Variants in NR3C1 observed in about 807,000 individuals in gnomAD.
NR3C1 encodes the protein nuclear receptor subfamily 3 group C member 1.
A neutral mutation model predicts 74.0 loss-of-function variants in NR3C1; 14 were observed. That is an observed-to-expected ratio of 0.19 (90% CI 0.12 to 0.30). The LOEUF is 0.30. Ranked by LOEUF, NR3C1 falls within the 10% of genes least tolerant of loss-of-function variation. The pLI is 1.00. For missense variants in NR3C1, 695 were observed against 909.8 expected (o/e 0.76, Z 3.04); for synonymous variants, 308 against 332.5 (o/e 0.93, Z 0.80).
rs1013219835 is a variant in NR3C1 at position 143,350,978 on chromosome 5, G to T, written c.1185-36810C>A. Among the ~76,000 whole-genome samples the T allele has an allele frequency of 7.9e-5, 12 of 152,286 alleles. No individual in the cohort carries two copies. In the East Asian group the frequency reaches 9.6e-4, roughly 12 times the overall value. On this transcript the variant is annotated intron_variant, in intron 2 of 8. Transcript: ENST00000394464. The stretch of plus-strand genomic sequence containing the variant: ...AAAGGTCAATGTGAATGGAGTGGAA[G>T]CAGAAAACCAGTGATTCTGTAAGGT...
chr5:143,282,547 G>A, intron 8 of NR3C1, 21 bp downstream of exon 8: 1 of 1,613,136 alleles, frequency 6.2e-7, no homozygotes, highest in South Asian at 1.1e-5. Context: ...TCTTATATTT[G>A]GCTTTATGTT....
rs1188555532 is a variant in NR3C1 at position 143,368,077 on chromosome 5, G to A, written c.1184+31579C>T. On this transcript the variant is annotated intron_variant, in intron 2 of 8. Coordinates refer to ENST00000394464, the MANE Select transcript of NR3C1 (RefSeq NM_000176.3). The stretch of plus-strand genomic sequence containing the variant: ...CAGACTCATAGAATTGTGAGTCCAG[G>A]AATAAGCCTATATATTTATGGTCAG... 2.0e-5 allele frequency among the ~76,000 whole-genome samples: 3 copies of A among 152,264 alleles called. No individual in the cohort carries two copies. The Middle Eastern group carries it at 0.01, about 518-fold the overall frequency.
At chr5:143,302,765 A>G (rs917741177) in intron 4 of NR3C1, among the ~76,000 whole-genome samples, 1 of 152,088 alleles carries the variant, frequency 6.6e-6, no homozygotes, top group South Asian at 2.1e-4. Context: ...ATTTTTCAAA[A>G]TATCTTCAGG....
At chr5:143,402,686 C>T in intron 1 of NR3C1, 1 of 985,434 alleles carries the variant, frequency 1.0e-6, no homozygotes, top group Non-Finnish European at 1.2e-6. Context: ...GCTGTCAGCC[C>T]CCCGCGTGTG....
intron 7 of NR3C1, among the ~76,000 whole-genome samples, chr5:143,283,499 T>C (rs150789722): frequency 1.8e-4 from 27 of 152,346 alleles, no homozygotes; most frequent in African/African-American, 3.1e-4. Context: ...CTGAGATAGA[T>C]AGAAGGCTTC....
intron 2 of NR3C1, among the ~76,000 whole-genome samples, chr5:143,366,959 C>T (rs1833329268): frequency 6.6e-6 from 1 of 152,156 alleles, no homozygotes. Flanking sequence ...ACTATACTTA[C>T]TGGTCAGCTA....
At chr5:143,282,133 G>A in intron 8 of NR3C1, 92 bp from the exon 9 acceptor site, 1 of 1,350,760 alleles carries the variant, frequency 7.4e-7, no homozygotes, top group South Asian at 1.2e-5. Flanking sequence ...AAAATTATCT[G>A]GCCTAGAATA....
chr5:143,290,780 G>C (rs1332209460), intron 7 of NR3C1, among the ~76,000 whole-genome samples: 1 of 151,946 alleles, frequency 6.6e-6, no homozygotes, highest in Non-Finnish European at 1.5e-5. Flanking sequence ...GGTCAGGCTG[G>C]TCTCGAACTC....
intron 2 of NR3C1, among the ~76,000 whole-genome samples, chr5:143,322,884 G>T (rs1015202894): frequency 6.6e-6 from 1 of 152,004 alleles, no homozygotes; most frequent in African/African-American, 2.4e-5. Flanking sequence ...TTTGCTATCT[G>T]GATTTCCCTC....
chr5:143,382,775 A>T (rs2151892350), intron 2 of NR3C1, among the ~76,000 whole-genome samples: 1 of 152,232 alleles, frequency 6.6e-6, no homozygotes, highest in East Asian at 1.9e-4. Context: ...TGACGGGAGC[A>T]TACTTCTTCG....
intron 2 of NR3C1, among the ~76,000 whole-genome samples, chr5:143,317,041 C>T (rs2151632990): frequency 6.6e-6 from 1 of 152,254 alleles, no homozygotes; most frequent in Non-Finnish European, 1.5e-5. Flanking sequence ...TTCTGGGCTA[C>T]ATCAGATAAG....
At position 143,300,188 on chromosome 5, in the gene NR3C1, C is replaced by G. The variant is rs912591072; in HGVS notation, c.1747+297G>C. Among the ~76,000 whole-genome samples the G allele has an allele frequency of 5.9e-5, 9 of 152,154 alleles. No homozygotes were observed. The highest frequency in any genetic ancestry group is 2.2e-4 in the African/African-American group (9 of 41,434). The stretch of plus-strand genomic sequence containing the variant: ...GGAATTAACTAAAAACATTTTCTTT[C>G]CCCAAACTTCAGTGTAAAAGGAGTT... On this transcript the variant is annotated intron_variant, in intron 5 of 8. Transcript: ENST00000394464. This position sits in a 1 kb window ranked among gnomAD's most constrained non-coding sequence, Gnocchi z 5.2.
intron 2 of NR3C1, among the ~76,000 whole-genome samples, chr5:143,378,071 A>G (rs978523992): frequency 6.8e-6 from 1 of 147,980 alleles, no homozygotes; most frequent in Non-Finnish European, 1.5e-5. Flanking sequence ...GCAACAGAGC[A>G]CTACCCTGTC....
intron 2 of NR3C1, among the ~76,000 whole-genome samples, chr5:143,348,730 G>C (rs1600168893): frequency 6.6e-6 from 1 of 152,230 alleles, no homozygotes; most frequent in African/African-American, 2.4e-5. Context: ...GTTTTGATCA[G>C]ACATGATTTA....
At chr5:143,336,789 A>G (rs1214950984) in intron 2 of NR3C1, among the ~76,000 whole-genome samples, 1 of 150,822 alleles carries the variant, frequency 6.6e-6, no homozygotes, top group Non-Finnish European at 1.5e-5. Context: ...GTTCAAGTCC[A>G]GCCTGTCAAC....
chr5:143,420,104 C>T (rs1187543956), intron 1 of NR3C1, among the ~76,000 whole-genome samples: 4 of 152,224 alleles, frequency 2.6e-5, no homozygotes, highest in Non-Finnish European at 4.4e-5. Flanking sequence ...AAGGTTATCT[C>T]TCTTATTACC....
At chr5:143,392,124 C>T (rs980540317) in intron 2 of NR3C1, among the ~76,000 whole-genome samples, 11 of 152,056 alleles carry the variant, frequency 7.2e-5, no homozygotes, top group Admixed American at 2.6e-4. Flanking sequence ...AGCCACCATG[C>T]CCGGCTAATT....
intron 4 of NR3C1, among the ~76,000 whole-genome samples, chr5:143,307,087 G>A (rs1169506955): frequency 6.6e-6 from 1 of 151,712 alleles, no homozygotes; most frequent in Non-Finnish European, 1.5e-5. Context: ...TAGTAGAGAC[G>A]GGGTTTCACC....
chr5:143,390,552 G>A (rs915561878), intron 2 of NR3C1, among the ~76,000 whole-genome samples: 1 of 152,092 alleles, frequency 6.6e-6, no homozygotes, highest in Admixed American at 6.5e-5. Context: ...AGGCTTAGAG[G>A]TGAATAGTCT....
Sources: gnomAD v4.1 joint callset for allele counts (sites outside exome capture counted in the v4.1 genomes callset) on GRCh38, gnomAD v4.1.1 for gene constraint, Gnocchi (gnomAD v3.1) non-coding constraint, MANE v1.5 for transcripts, NCBI Gene and HGNC (gene_info 2026-07-23, HGNC 2026-07-21) for gene names.